FRMD5: variants seen among roughly 807,000 people sequenced by gnomAD.
FRMD5 encodes FERM domain-containing protein 5.
A neutral mutation model predicts 69.0 loss-of-function variants in FRMD5; 20 were observed. That is an observed-to-expected ratio of 0.29 (90% CI 0.20 to 0.42). FRMD5 has a LOEUF of 0.42. FRMD5 is among the 10% of genes least tolerant of loss of function. The probability of loss-of-function intolerance (pLI) is 1.00; values close to 1 mark genes in which losing one functional copy is unlikely to be tolerated. For synonymous variants in FRMD5, 271 were observed against 260.1 expected (o/e 1.04, Z -0.40); for missense variants, 595 against 708.6 (o/e 0.84, Z 1.82).
intron 1 of FRMD5, among the ~76,000 whole-genome samples, chr15:44,025,980 T>A (rs1024607724): frequency 1.3e-5 from 2 of 152,226 alleles, no homozygotes; most frequent in African/African-American, 4.8e-5. Context: ...AATTCCTTTT[T>A]TTGGTGGGGC....
intron 1 of FRMD5, among the ~76,000 whole-genome samples, chr15:44,187,017 C>T (rs1459935893): frequency 6.6e-6 from 1 of 152,162 alleles, no homozygotes; most frequent in Non-Finnish European, 1.5e-5. Flanking sequence ...TGAAATGTGC[C>T]TTTTAGGACT....
At chr15:44,053,457 G>T (rs1248858763) in intron 1 of FRMD5, among the ~76,000 whole-genome samples, 1 of 152,104 alleles carries the variant, frequency 6.6e-6, no homozygotes, top group Non-Finnish European at 1.5e-5. Context: ...CCAAATACTA[G>T]TATTTTTACT....
intron 1 of FRMD5, among the ~76,000 whole-genome samples, chr15:44,112,448 T>C (rs993209049): frequency 1.3e-5 from 2 of 151,836 alleles, no homozygotes; most frequent in African/African-American, 2.4e-5. Context: ...GAATCCCTTA[T>C]CTGCCACTGC....
At chr15:44,028,135 T>C (rs954142119) in intron 1 of FRMD5, among the ~76,000 whole-genome samples, 5 of 152,166 alleles carry the variant, frequency 3.3e-5, no homozygotes, top group African/African-American at 1.2e-4. Context: ...ATATAATCTA[T>C]GACATGCAGG....
intron 1 of FRMD5, among the ~76,000 whole-genome samples, chr15:44,049,564 T>C (rs1892569148): frequency 6.6e-6 from 1 of 152,202 alleles, no homozygotes; most frequent in Non-Finnish European, 1.5e-5. Flanking sequence ...AACTCATTTA[T>C]CAAATGAGGA....
intron 1 of FRMD5, among the ~76,000 whole-genome samples, chr15:44,192,592 TAC>T (rs201289376): frequency 6.6e-6 from 1 of 152,128 alleles, no homozygotes; most frequent in African/African-American, 2.4e-5. Context: ...CATGCACATA[TAC>T]ACACACACTC....
intron 1 of FRMD5, among the ~76,000 whole-genome samples, chr15:44,121,656 A>AAAAAC (rs2076953126): frequency 6.6e-6 from 1 of 151,976 alleles, no homozygotes; most frequent in South Asian, 2.1e-4. Context: ...CTTACCAAAA[A>AAAAAC]AAAAACAAAA....
At position 43,924,256 on chromosome 15, in the gene FRMD5, T is replaced by C; in HGVS notation, c.156A>G (p.Leu52=). The C allele has an allele frequency of 1.2e-6, 2 of 1,614,134 alleles. No individual in the cohort carries two copies. The highest frequency in any genetic ancestry group is 1.7e-6 in the Non-Finnish European group (2 of 1,179,992). The change falls in exon 2 of 14, where the codon CTA becomes CTG. Residue 52 remains leucine, a synonymous_variant. Coordinates refer to ENST00000417257, the MANE Select transcript of FRMD5 (RefSeq NM_032892.5). ...LFDLLCHHLN[L]LEKDYFGIRF... ...GGATACCAAAATAGTCTTTCTCAAG[T>C]AGGTTCAGATGGTGGCAAAGAAGGT...
chr15:43,950,975 T>G (rs531356221), intron 1 of FRMD5, among the ~76,000 whole-genome samples: 1 of 152,300 alleles, frequency 6.6e-6, no homozygotes, highest in Admixed American at 6.5e-5. Context: ...CGAAATGCGG[T>G]GTGAGACCAG....
At chr15:44,048,723 C>T (rs987440999) in intron 1 of FRMD5, among the ~76,000 whole-genome samples, 1 of 152,106 alleles carries the variant, frequency 6.6e-6, no homozygotes, top group Non-Finnish European at 1.5e-5. Flanking sequence ...CAGGTGCTCA[C>T]TACCATGCCT....
chr15:44,132,233 C>T (rs535402483), intron 1 of FRMD5, among the ~76,000 whole-genome samples: 1 of 152,302 alleles, frequency 6.6e-6, no homozygotes, highest in African/African-American at 2.4e-5. Context: ...GCTGTAAACA[C>T]AGATGAAGCA....
rs150210214 is a variant in FRMD5, at chr15:44,102,896, C to T, written c.102+92057G>A. Among the ~76,000 whole-genome samples, 1,103 of 152,324 alleles carry T rather than the reference C, an allele frequency of 7.2e-3. 14 individuals carry two copies. The highest frequency in any genetic ancestry group is 0.026 in the African/African-American group (1,060 of 41,558). Reference sequence around the variant, plus strand: ...AAGGCTCACTAGTCACAGCCTTCTGCTCTGAGGCTTGGAGACCTAAAAGGA... The same window carrying T: ...AAGGCTCACTAGTCACAGCCTTCTGTTCTGAGGCTTGGAGACCTAAAAGGA... On this transcript the variant is annotated intron_variant, in intron 1 of 13. Coordinates refer to ENST00000417257, the MANE Select transcript of FRMD5 (RefSeq NM_032892.5).
At chr15:44,070,109 C>A (rs938678625) in intron 1 of FRMD5, among the ~76,000 whole-genome samples, 3 of 152,056 alleles carry the variant, frequency 2.0e-5, no homozygotes, top group Non-Finnish European at 4.4e-5. Context: ...TAACCATTTC[C>A]AGAGGATTTA....
chr15:43,998,715 T>C (rs961391424), intron 1 of FRMD5, among the ~76,000 whole-genome samples: 6 of 152,238 alleles, frequency 3.9e-5, no homozygotes, highest in African/African-American at 1.4e-4. Flanking sequence ...ATTCTATCCC[T>C]GGCAGCACAG....
At chr15:44,031,932 C>A (rs1197749164) in intron 1 of FRMD5, among the ~76,000 whole-genome samples, 1 of 152,012 alleles carries the variant, frequency 6.6e-6, no homozygotes, top group Admixed American at 6.6e-5. Flanking sequence ...TTTTAAAATT[C>A]AAGCAGGGTA....
intron 1 of FRMD5, among the ~76,000 whole-genome samples, chr15:43,956,336 GA>G (rs111920730): frequency 1.3e-5 from 2 of 152,076 alleles, no homozygotes; most frequent in African/African-American, 4.8e-5. Flanking sequence ...CTCAAGTATT[GA>G]AGGTACTAAA....
chr15:43,962,354 T>C (rs1018843971), intron 1 of FRMD5, among the ~76,000 whole-genome samples: 43 of 152,304 alleles, frequency 2.8e-4, no homozygotes, highest in African/African-American at 1.0e-3. Context: ...ACAAGGGACG[T>C]GAAGGACCTC....
intron 1 of FRMD5, among the ~76,000 whole-genome samples, chr15:44,171,534 T>C (rs1261312561): frequency 6.6e-6 from 1 of 152,216 alleles, no homozygotes; most frequent in Non-Finnish European, 1.5e-5. Context: ...GCCCATGTAG[T>C]ATCTTTAGAA....
intron 1 of FRMD5, among the ~76,000 whole-genome samples, chr15:44,128,055 C>T (rs1461174056): frequency 4.6e-5 from 7 of 152,054 alleles, no homozygotes; most frequent in East Asian, 3.8e-4. Flanking sequence ...GGTAAAATTT[C>T]GCCCCCACCG....
Sources: allele counts gnomAD v4.1 joint callset (sites outside exome capture counted in the v4.1 genomes callset), GRCh38; gene constraint gnomAD v4.1.1; transcripts MANE v1.5; gene names NCBI Gene and HGNC (gene_info 2026-07-23, HGNC 2026-07-21).